The following TMEM50B variants were observed in gnomAD, a reference collection of about 807,000 sequenced individuals.
TMEM50B encodes the protein transmembrane protein 50B.
TMEM50B carries 14 observed loss-of-function variants against 23.4 expected under a neutral mutation model. That is an observed-to-expected ratio of 0.60 (90% CI 0.39 to 0.93). TMEM50B has a LOEUF of 0.93. Among genes scored for constraint, TMEM50B ranks in the 40% least tolerant of loss-of-function variants. TMEM50B has a pLI of 0.00. For synonymous variants in TMEM50B, 64 were observed against 62.3 expected (o/e 1.03, Z -0.13); for missense variants, 159 against 193.0 (o/e 0.82, Z 1.04).
chr21:33,473,528 T>C (rs1249772285), intron 1 of TMEM50B, among the ~76,000 whole-genome samples: 6 of 148,574 alleles, frequency 4.0e-5, no homozygotes, highest in African/African-American at 9.9e-5. Context: ...AAAATGAGGA[T>C]AGCCAAGCAT....
At chr21:33,478,909 G>A in intron 1 of TMEM50B, 1 of 437,144 alleles carries the variant, frequency 2.3e-6, no homozygotes, top group South Asian at 1.7e-5. Flanking sequence ...TCTGAGAAGG[G>A]AGATGGGATC....
intron 6 of TMEM50B, among the ~76,000 whole-genome samples, chr21:33,451,580 G>A (rs918449425): frequency 7.9e-5 from 12 of 152,066 alleles, no homozygotes; most frequent in African/African-American, 2.2e-4. Flanking sequence ...GAATTATCTC[G>A]GCAAAGTGAG....
At chr21:33,446,484 G>A (rs1429691794), downstream of TMEM50B, among the ~76,000 whole-genome samples, 9 of 150,478 alleles carry the variant, frequency 6.0e-5, no homozygotes, top group East Asian at 5.8e-4. Flanking sequence ...TAATCTGCCC[G>A]CCTCGGACTC....
intron 1 of TMEM50B, among the ~76,000 whole-genome samples, chr21:33,470,264 G>A (rs986221013): frequency 3.3e-5 from 5 of 151,904 alleles, no homozygotes; most frequent in African/African-American, 9.7e-5. Context: ...TTGAGGTCAC[G>A]AGTTCATGAC....
intron 4 of TMEM50B, among the ~76,000 whole-genome samples, chr21:33,464,250 T>C (rs2084243562): frequency 6.7e-6 from 1 of 150,204 alleles, no homozygotes; most frequent in South Asian, 2.1e-4. Context: ...CAGGCTGGAG[T>C]CCAATGAGGT....
At chr21:33,432,855 C>A (rs1759825040) in intron 8 of TMEM50B, 1 of 1,612,282 alleles carries the variant, frequency 6.2e-7, no homozygotes, top group Non-Finnish European at 8.5e-7. Context: ...CCAAGCATCC[C>A]ATTACAGATA....
At chr21:33,463,675 G>A (rs1272857691) in intron 4 of TMEM50B, among the ~76,000 whole-genome samples, 1 of 152,130 alleles carries the variant, frequency 6.6e-6, no homozygotes, top group Non-Finnish European at 1.5e-5. Context: ...TTGGGAGGCT[G>A]ATAGCTTGAG....
At chr21:33,442,882 T>C (rs1172619360) in intron 7 of TMEM50B, among the ~76,000 whole-genome samples, 2 of 151,734 alleles carry the variant, frequency 1.3e-5, no homozygotes, top group Non-Finnish European at 2.9e-5. Context: ...ATCGTGCCAC[T>C]GCACTCCAGC....
chr21:33,453,185 G>C (rs1270577090), intron 6 of TMEM50B, among the ~76,000 whole-genome samples: 1 of 152,100 alleles, frequency 6.6e-6, no homozygotes, highest in African/African-American at 2.4e-5. Context: ...AGCCTCCCGG[G>C]TTCAAGTGAT....
At chr21:33,458,043 C>A (rs2084185667) in intron 5 of TMEM50B, among the ~76,000 whole-genome samples, 1 of 152,166 alleles carries the variant, frequency 6.6e-6, no homozygotes, top group Admixed American at 6.5e-5. Context: ...CTTGTCTTTG[C>A]CTTGTGTTCA....
intron 1 of TMEM50B, among the ~76,000 whole-genome samples, chr21:33,469,200 AGCACTTTG>A (rs1391888441): frequency 6.6e-6 from 1 of 152,190 alleles, no homozygotes; most frequent in Non-Finnish European, 1.5e-5. Flanking sequence ...CTGTAATTCC[AGCACTTTG>A]GGAGGCCAAA....
chr21:33,462,337 A>G (rs2084224444), intron 4 of TMEM50B, among the ~76,000 whole-genome samples: 1 of 151,818 alleles, frequency 6.6e-6, no homozygotes, highest in African/African-American at 2.4e-5. Flanking sequence ...GCACAATATA[A>G]AAATATAAAC....
downstream of TMEM50B, among the ~76,000 whole-genome samples, chr21:33,444,249 A>G (rs2084033154): frequency 1.3e-5 from 2 of 152,134 alleles, no homozygotes; most frequent in South Asian, 4.1e-4. Flanking sequence ...TAATTTCAAC[A>G]TAAAAAGTTA....
rs1257633961 is a variant in TMEM50B, at chr21:33,450,857, C to G, written c.438G>C (p.Leu146=). The G allele has an allele frequency of 6.2e-7, 1 of 1,613,004 alleles. No homozygotes were observed. Residue 146 remains leucine, a synonymous_variant, in exon 7 of 7, where the codon CTG becomes CTC. Coordinates refer to ENST00000542230, the MANE Select transcript of TMEM50B (RefSeq NM_006134.7). ...FQNALIFFST[L]IYKFGRTEEL... ...CTTCGGTTCTTCCAAATTTGTAGAT[C>G]AGAGTGCTAGAAAGATAGGAAAACA...
In TMEM50B at chr21:33,437,982, C is replaced by CAA. The variant is rs61317224; in HGVS notation, c.*2120+1230_*2120+1231dup. On this transcript the variant is annotated intron_variant and NMD_transcript_variant, in intron 8 of 8. Transcript: ENST00000420455. Reference sequence around the variant, plus strand: ...TGGGAGGCAGAGCGAGACCCTATCTCAAAAAAAAAAAAAAAAAGAGGGCTG... The same window carrying CAA: ...TGGGAGGCAGAGCGAGACCCTATCTCAAAAAAAAAAAAAAAAAAAGAGGGCTG... 1.5e-3 allele frequency among the ~76,000 whole-genome samples: 144 copies of CAA among 96,704 alleles called. 1 individual carries two copies. Among genetic ancestry groups the CAA allele is most frequent in the East Asian group, 6.1e-3 (18 of 2,968 alleles). 63.4% of individuals were successfully genotyped at this position (96,704 alleles called of 152,430 possible).
intron 8 of TMEM50B, chr21:33,432,849 G>A: frequency 6.2e-7 from 1 of 1,612,776 alleles, no homozygotes; most frequent in Non-Finnish European, 8.5e-7. Flanking sequence ...ACTCCACCAA[G>A]CATCCCATTA....
chr21:33,442,311 CCTT>C (rs1006012768), intron 7 of TMEM50B, among the ~76,000 whole-genome samples: 10 of 152,096 alleles, frequency 6.6e-5, no homozygotes, highest in African/African-American at 2.2e-4. Flanking sequence ...ACGTCTTTCT[CCTT>C]GTTTCCAGTC....
In TMEM50B at chr21:33,467,137, C is replaced by A. The variant is rs1308473721; in HGVS notation, c.100-15G>T. On this transcript the variant is annotated splice_polypyrimidine_tract_variant and intron_variant, in intron 2 of 6. Coordinates refer to ENST00000542230, the MANE Select transcript of TMEM50B (RefSeq NM_006134.7). ...CCTGTAAAAAACTTAAAACACAGCC[C>A]AAGTCACTGAAACATTAAAACTCTT... The A allele has an allele frequency of 4.4e-6, 7 of 1,598,640 alleles. No homozygotes were observed. The highest frequency in any genetic ancestry group is 1.7e-5 in the Admixed American group (1 of 59,784).
chr21:33,472,025 C>T lies in TMEM50B; in HGVS notation c.-41-3099G>A, dbSNP rs573972622. ...CCAGCCTGGGCAACAGAGCGAGACT[C>T]CCCTAAAAAAAAAAAAAAAGAAAGA... On this transcript the variant is annotated intron_variant, in intron 1 of 6. Transcript: ENST00000542230. Among the ~76,000 whole-genome samples, 22 of 138,012 alleles carry T rather than the reference C, an allele frequency of 1.6e-4. No individual in the cohort carries two copies. The East Asian group carries it at 4.4e-3, about 27-fold the overall frequency. The allele number at this position is 138,012 out of a possible 152,430, so 90.5% of individuals were successfully genotyped here.
Sources: allele counts gnomAD v4.1 joint callset (sites outside exome capture counted in the v4.1 genomes callset), GRCh38; gene constraint gnomAD v4.1.1; transcripts MANE v1.5; gene names NCBI Gene and HGNC (gene_info 2026-07-23, HGNC 2026-07-21).